The following FOLH1 variants were observed in gnomAD, a reference collection of about 807,000 sequenced individuals.
FOLH1 encodes glutamate carboxypeptidase 2.
A neutral mutation model predicts 93.9 loss-of-function variants in FOLH1; 54 were observed. The ratio of observed to expected loss-of-function variants is 0.57; its 90% CI spans 0.46 to 0.72. The LOEUF is 0.72. Ranked by LOEUF, FOLH1 falls within the 30% of genes least tolerant of loss-of-function variation. The pLI, the probability that FOLH1 is intolerant of heterozygous loss-of-function variation, is 0.00. For missense variants in FOLH1, 571 were observed against 892.5 expected (o/e 0.64, Z 4.59); for synonymous variants, 249 against 303.6 (o/e 0.82, Z 1.87).
At chr11:49,158,835 A>G (rs1222433634) in intron 13 of FOLH1, among the ~76,000 whole-genome samples, 1 of 152,120 alleles carries the variant, frequency 6.6e-6, no homozygotes, top group Non-Finnish European at 1.5e-5. Flanking sequence ...TTCTCCTTGT[A>G]GAGATCTTTC....
chr11:49,161,294 T>C (rs1266944259), intron 13 of FOLH1, among the ~76,000 whole-genome samples: 2 of 152,244 alleles, frequency 1.3e-5, no homozygotes, highest in African/African-American at 4.8e-5. Context: ...ACTTGCCTTA[T>C]GAATCTGGGT....
chr11:49,207,679 G>A (rs1314734646), intron 1 of FOLH1: 4 of 345,394 alleles, frequency 1.2e-5, no homozygotes, highest in African/African-American at 2.1e-5. Flanking sequence ...GGTAACTAAC[G>A]CTGAGAGGGA....
chr11:49,156,612 A>G (rs1389818108), intron 15 of FOLH1, 105 bp downstream of exon 15: 1 of 992,614 alleles, frequency 1.0e-6, no homozygotes. Flanking sequence ...TCTGCTTTCA[A>G]ATTTCTCTAT....
At chr11:49,171,739 A>C (rs1295810593) in intron 10 of FOLH1, among the ~76,000 whole-genome samples, 1 of 152,106 alleles carries the variant, frequency 6.6e-6, no homozygotes, top group African/African-American at 2.4e-5. Flanking sequence ...TCTCTGCCAG[A>C]ATTAATCAAC....
At chr11:49,162,644 T>C (rs552331915) in intron 13 of FOLH1, among the ~76,000 whole-genome samples, 7 of 152,198 alleles carry the variant, frequency 4.6e-5, no homozygotes, top group Admixed American at 1.3e-4. Context: ...GGAGAAGTGA[T>C]GCAGTCATTT....
chr11:49,163,795 A>G (rs1367075523), intron 13 of FOLH1, among the ~76,000 whole-genome samples: 1 of 151,988 alleles, frequency 6.6e-6, no homozygotes, highest in African/African-American at 2.4e-5. Flanking sequence ...CTAAGACTCC[A>G]TGCACCTGTG....
chr11:49,173,714 T>C (rs1859655879), intron 9 of FOLH1, among the ~76,000 whole-genome samples: 1 of 152,118 alleles, frequency 6.6e-6, no homozygotes, highest in Non-Finnish European at 1.5e-5. Context: ...TAATTATAAG[T>C]ACTACATTAA....
chr11:49,159,792 T>C (rs1244910088), intron 13 of FOLH1, among the ~76,000 whole-genome samples: 1 of 152,222 alleles, frequency 6.6e-6, no homozygotes, highest in Non-Finnish European at 1.5e-5. Context: ...TATTTATTAC[T>C]GCCTCAGTTT....
At chr11:49,187,249 T>G (rs1183431912) in intron 4 of FOLH1, among the ~76,000 whole-genome samples, 1 of 152,230 alleles carries the variant, frequency 6.6e-6, no homozygotes, top group African/African-American at 2.4e-5. Flanking sequence ...ATTTCAATCA[T>G]TAAGTGATTA....
Position 49,169,221 on chromosome 11 carries a change from T to A in FOLH1, c.1346A>T (p.Tyr449Phe). Residue 449 changes from tyrosine to phenylalanine, a missense_variant, in exon 12 of 19, where the codon TAT (tyrosine) becomes TTT (phenylalanine). Tyr to Phe is a conservative substitution (Grantham distance 22, BLOSUM62 3). Coordinates refer to ENST00000256999, the MANE Select transcript of FOLH1 (RefSeq NM_004476.3). ...SRLLQERGVA[Y>F]INADSSIEGN... ...TTCTATAGATGAGTCAGCATTAATA[T>A]AAGCCACGCCACGCTCTTGAAGGAG... is the stretch of plus-strand genomic sequence containing the variant. The A allele has an allele frequency of 6.2e-7, 1 of 1,613,348 alleles. No individual in the cohort carries two copies. Among genetic ancestry groups the A allele is most frequent in the Non-Finnish European group, 8.5e-7 (1 of 1,179,420 alleles).
intron 4 of FOLH1, among the ~76,000 whole-genome samples, chr11:49,192,150 G>A (rs1204110748): frequency 6.6e-6 from 1 of 151,180 alleles, no homozygotes; most frequent in Non-Finnish European, 1.5e-5. Context: ...ATACTATCTG[G>A]TCTTTTATAT....
rs545305210 is a variant in FOLH1 at position 49,167,903 on chromosome 11, A to G, written c.1372+1292T>C. 1.7e-3 allele frequency among the ~76,000 whole-genome samples: 210 copies of G among 121,840 alleles called. 1 individual carries two copies. The highest frequency in any genetic ancestry group is 6.3e-3 in the African/African-American group (199 of 31,456). The allele number at this position is 121,840 out of a possible 152,430, so 79.9% of individuals were successfully genotyped here. A position where few individuals can be genotyped will look rare whatever the true frequency, so the allele number is the denominator to read the frequency against. On this transcript the variant is annotated intron_variant, in intron 12 of 18. Coordinates refer to ENST00000256999, the MANE Select transcript of FOLH1 (RefSeq NM_004476.3). ...AAAAAACAGAAAAAGAACAGAAACA[A>G]AAAAACACACACAAAAAAACCAGAA...
At chr11:49,159,253 G>A (rs1419365430) in intron 13 of FOLH1, among the ~76,000 whole-genome samples, 1 of 152,156 alleles carries the variant, frequency 6.6e-6, no homozygotes, top group Non-Finnish European at 1.5e-5. Flanking sequence ...TCAGTACGAT[G>A]TTGGCTGTGG....
At chr11:49,183,354 A>G (rs1228418382) in intron 6 of FOLH1, 112 bp from the exon 7 acceptor site, 1 of 783,328 alleles carries the variant, frequency 1.3e-6, no homozygotes, top group Non-Finnish European at 2.0e-6. Flanking sequence ...TTGTTAAAGT[A>G]AAACAGATTA....
intron 15 of FOLH1, among the ~76,000 whole-genome samples, chr11:49,155,353 A>AT (rs1465232598): frequency 6.6e-6 from 1 of 152,000 alleles, no homozygotes; most frequent in Non-Finnish European, 1.5e-5. Flanking sequence ...CTAACCTCCT[A>AT]CCTCACAGAC....
intron 4 of FOLH1, among the ~76,000 whole-genome samples, chr11:49,192,301 C>T (rs553958531): frequency 6.6e-6 from 1 of 152,102 alleles, no homozygotes; most frequent in African/African-American, 2.4e-5. Flanking sequence ...AGTGCAAAAA[C>T]ATAAGGAAAA....
chr11:49,164,437 A>G (rs1257099606), intron 13 of FOLH1, among the ~76,000 whole-genome samples: 2 of 152,180 alleles, frequency 1.3e-5, no homozygotes, highest in East Asian at 3.9e-4. Context: ...TTGGTGGCCA[A>G]TGTTCTTTGA....
chr11:49,205,987 A>G (rs970403976), intron 2 of FOLH1, 80 bp downstream of exon 2: 22 of 1,342,464 alleles, frequency 1.6e-5, no homozygotes, highest in African/African-American at 1.3e-4. Flanking sequence ...TCCAGTTCCT[A>G]TATATAAAAT....
At chr11:49,196,633 T>C (rs1218305792) in intron 3 of FOLH1, among the ~76,000 whole-genome samples, 3 of 152,088 alleles carry the variant, frequency 2.0e-5, no homozygotes, top group Non-Finnish European at 4.4e-5. Context: ...ATACACTGAA[T>C]GTCATCTTCA....
Sources: gnomAD v4.1 joint callset for allele counts (sites outside exome capture counted in the v4.1 genomes callset) on GRCh38, gnomAD v4.1.1 for gene constraint, MANE v1.5 for transcripts, NCBI Gene and HGNC (gene_info 2026-07-23, HGNC 2026-07-21) for gene names.